Variants in ADGRF5 observed in about 807,000 individuals in gnomAD.
ADGRF5 encodes the protein G-protein coupled receptor 116.
ADGRF5 carries 75 observed loss-of-function variants against 132.3 expected under a neutral mutation model. The observed-to-expected ratio is 0.57, with a 90% confidence interval of 0.47 to 0.69. The LOEUF (loss-of-function observed/expected upper bound fraction) is 0.69, where lower values mean the gene tolerates loss of function less well. Among genes scored for constraint, ADGRF5 ranks in the 30% least tolerant of loss-of-function variants. The pLI is 0.00. For missense variants in ADGRF5, 1,516 were observed against 1,630.6 expected (o/e 0.93, Z 1.21); for synonymous variants, 629 against 597.6 (o/e 1.05, Z -0.77).
At position 46,859,656 on chromosome 6, in the gene ADGRF5, G is replaced by A. The variant is rs1173436276; in HGVS notation, c.2380-133C>T. The stretch of plus-strand genomic sequence containing the variant: ...AGAAAACAAAAATGAGACATCACAG[G>A]CAGTGGGGATGTATGACCTTCTTAT... On this transcript the variant is annotated intron_variant, in intron 16 of 20. Transcript: ENST00000283296. 3 of 620,560 alleles carry A rather than the reference G, an allele frequency of 4.8e-6. No homozygotes were observed. In the Admixed American group the frequency reaches 9.1e-5, roughly 19 times the overall value. 38.4% of individuals were successfully genotyped at this position (620,560 alleles called of 1,614,324 possible).
At chr6:46,907,522 A>T (rs1008153451) in intron 1 of ADGRF5, among the ~76,000 whole-genome samples, 3 of 152,060 alleles carry the variant, frequency 2.0e-5, no homozygotes, top group Non-Finnish European at 2.9e-5. Context: ...TTGATTTTTT[A>T]AAATTCATTT....
intron 1 of ADGRF5, among the ~76,000 whole-genome samples, chr6:46,947,446 A>T (rs1406542929): frequency 6.6e-6 from 1 of 152,232 alleles, no homozygotes; most frequent in Non-Finnish European, 1.5e-5. Context: ...ACACTCATGC[A>T]CACAAATGCA....
Position 46,945,663 on chromosome 6 carries a change from T to A in ADGRF5, c.-25+9071A>T, listed in dbSNP as rs1582084150. ...GATGGGGTGACCTGTGAAAAGGAAG[T>A]AATTTGGTGACATTTAAAATGGGCT... is the stretch of plus-strand genomic sequence containing the variant. On this transcript the variant is annotated intron_variant, in intron 1 of 20. Coordinates refer to the ADGRF5 transcript ENST00000265417. 2.0e-5 allele frequency among the ~76,000 whole-genome samples: 3 copies of A among 152,316 alleles called. No homozygotes were observed. The South Asian group carries it at 6.2e-4, about 32-fold the overall frequency.
chr6:46,954,570 T>TTTGCCC (rs1243242282), intron 1 of ADGRF5, among the ~76,000 whole-genome samples: 1 of 152,128 alleles, frequency 6.6e-6, no homozygotes, highest in Admixed American at 6.5e-5. Context: ...TCATATCCCA[T>TTTGCCC]CTCACTATTT....
At chr6:46,914,421 A>C (rs1776248621) in intron 1 of ADGRF5, among the ~76,000 whole-genome samples, 1 of 152,202 alleles carries the variant, frequency 6.6e-6, no homozygotes, top group Non-Finnish European at 1.5e-5. Flanking sequence ...AACATGGGAC[A>C]CAATAACAAT....
chr6:46,877,657 C>T (rs1177535334), intron 10 of ADGRF5, among the ~76,000 whole-genome samples: 1 of 151,860 alleles, frequency 6.6e-6, no homozygotes, highest in Non-Finnish European at 1.5e-5. Context: ...CAAAAGCTAA[C>T]AGGATCAGAA....
At chr6:46,930,060 A>T (rs2150934456) in intron 1 of ADGRF5, among the ~76,000 whole-genome samples, 1 of 152,222 alleles carries the variant, frequency 6.6e-6, no homozygotes, top group East Asian at 1.9e-4. Context: ...ACCTCAGGTG[A>T]TCCACCCGCC....
intron 10 of ADGRF5, among the ~76,000 whole-genome samples, chr6:46,877,346 T>C (rs868436050): frequency 0.025 from 525 of 20,812 alleles, 11 homozygotes; most frequent in African/African-American, 0.058. Context: ...TCTTTCTTTC[T>C]TTCTTTCTTT....
intron 1 of ADGRF5, among the ~76,000 whole-genome samples, chr6:46,928,677 A>G (rs548915518): frequency 3.7e-4 from 56 of 152,210 alleles, no homozygotes; most frequent in African/African-American, 1.3e-3. Context: ...CTGAGTCTCA[A>G]TTGCTTTCTA....
intron 10 of ADGRF5, among the ~76,000 whole-genome samples, chr6:46,873,091 C>T (rs761836443): frequency 1.4e-4 from 22 of 152,048 alleles, no homozygotes; most frequent in Non-Finnish European, 2.4e-4. Flanking sequence ...TTTTGAAAAT[C>T]CACTTCTTCT....
At chr6:46,866,747 C>T (rs1770495067) in intron 13 of ADGRF5, among the ~76,000 whole-genome samples, 178 bp downstream of exon 13, 1 of 151,946 alleles carries the variant, frequency 6.6e-6, no homozygotes, top group Non-Finnish European at 1.5e-5. Flanking sequence ...GTACCATAAA[C>T]CAATGAACCA....
In ADGRF5 at chr6:46,858,531, C is replaced by A. The variant is rs1455067396; in HGVS notation, c.3372G>T (p.Arg1124Ser). ...AGAAGGCAATGGCTTTCTGAGTGGA[C>A]CTGCTTGTTTCATGCAGAATGAAAA... ...RLVFILHETS[R>S]STQKAIAFCL... Residue 1124 changes from arginine to serine, a missense_variant, in exon 17 of 21, where the codon AGG becomes AGT. By Grantham distance (110) the Arg-to-Ser change is moderately radical. This residue lies in a region of ADGRF5 where 571 missense variants were observed against 701.2 expected (regional missense o/e 0.81). Coordinates refer to ENST00000283296, the MANE Select transcript of ADGRF5 (RefSeq NM_001098518.2). 3.7e-6 allele frequency: 6 copies of A among 1,613,670 alleles called. No individual in the cohort carries two copies. The highest frequency in any genetic ancestry group is 2.7e-5 in the African/African-American group (2 of 74,852).
intron 16 of ADGRF5, 84 bp downstream of exon 16, chr6:46,860,631 G>C (rs1581732021): frequency 3.2e-6 from 3 of 939,812 alleles, no homozygotes. Flanking sequence ...AGCTGCAATG[G>C]GGAGGAATTA....
Position 46,858,488 on chromosome 6 carries a change from G to A in ADGRF5, c.3415C>T (p.Pro1139Ser), listed in dbSNP as rs1166729953. Residue 1139 changes from proline (P) to serine (S), a missense_variant, in exon 17 of 21, where the codon CCA becomes TCA. Physicochemically the swap from Pro to Ser is moderately conservative, Grantham distance 74 (BLOSUM62 -1). This residue lies in a region of ADGRF5 where 571 missense variants were observed against 701.2 expected (regional missense o/e 0.81). Coordinates refer to ENST00000283296, the MANE Select transcript of ADGRF5 (RefSeq NM_001098518.2). ...AIAFCLGYGCPLAISVITLGA... is the reference protein window; with the variant it reads ...AIAFCLGYGCSLAISVITLGA... ...AGCGTGATGACCGAGATGGCAAGTGGGCAGCCATAGCCAAGACAGAAGGCA... is the reference window on the plus strand; with the variant it reads ...AGCGTGATGACCGAGATGGCAAGTGAGCAGCCATAGCCAAGACAGAAGGCA... 2 of 1,613,784 alleles carry A rather than the reference G, an allele frequency of 1.2e-6. No homozygotes were observed. Among genetic ancestry groups the A allele is most frequent in the South Asian group, 1.1e-5 (1 of 91,064 alleles).
intron 1 of ADGRF5, among the ~76,000 whole-genome samples, chr6:46,939,602 T>A (rs1000527902): frequency 3.3e-5 from 5 of 152,244 alleles, no homozygotes; most frequent in African/African-American, 9.6e-5. Context: ...TTATTTTTAG[T>A]AGCTTCCTTT....
chr6:46,933,602 T>C (rs1315800957), intron 1 of ADGRF5, among the ~76,000 whole-genome samples: 1 of 152,180 alleles, frequency 6.6e-6, no homozygotes, highest in Admixed American at 6.5e-5. Flanking sequence ...CTTTCTATTT[T>C]AGGAATTTAA....
intron 3 of ADGRF5, among the ~76,000 whole-genome samples, chr6:46,889,009 T>C (rs768654442): frequency 6.6e-5 from 10 of 152,142 alleles, no homozygotes; most frequent in Non-Finnish European, 8.8e-5. Context: ...TTTGTTGAGG[T>C]GCTCAACAAA....
chr6:46,870,081 T>C (rs1179851962), intron 11 of ADGRF5, among the ~76,000 whole-genome samples: 1 of 152,142 alleles, frequency 6.6e-6, no homozygotes, highest in Admixed American at 6.5e-5. Flanking sequence ...CAGTCTTCTA[T>C]AAGTGAACAG....
At chr6:46,952,150 G>C (rs4449617) in intron 1 of ADGRF5, among the ~76,000 whole-genome samples, 116,266 of 152,074 alleles carry the variant, frequency 0.76, 44,663 homozygotes, top group East Asian at 0.86. Context: ...AGGACCAAAT[G>C]TGGGGCCCCA....
Sources: gnomAD v4.1 joint callset for allele counts (sites outside exome capture counted in the v4.1 genomes callset) on GRCh38, gnomAD v4.1.1 for gene constraint, gnomAD v4.1.1 regional missense constraint, MANE v1.5 for transcripts, NCBI Gene and HGNC (gene_info 2026-07-23, HGNC 2026-07-21) for gene names.